The following PTAR1 variants were observed in gnomAD, a reference collection of about 807,000 sequenced individuals.
The protein encoded by PTAR1 is protein prenyltransferase alpha subunit repeat containing 1.
PTAR1 carries 17 observed loss-of-function variants against 45.5 expected under a neutral mutation model. That is an observed-to-expected ratio of 0.37 (90% confidence interval 0.26 to 0.56). The LOEUF is 0.56. Among genes scored for constraint, PTAR1 ranks in the 20% least tolerant of loss-of-function variants. PTAR1 has a pLI of 0.77. For synonymous variants in PTAR1, 169 were observed against 171.3 expected, an observed-to-expected ratio of 0.99 and a Z score of 0.11; for missense variants, 391 against 476.3, an observed-to-expected ratio of 0.82 and a Z score of 1.67.
intron 1 of PTAR1, among the ~76,000 whole-genome samples, chr9:69,752,822 T>C (rs1826591525): frequency 6.6e-6 from 1 of 152,068 alleles, no homozygotes; most frequent in Non-Finnish European, 1.5e-5. Flanking sequence ...ATTTTGTGCA[T>C]CTCTATTTGG....
chr9:69,723,272 G>GCTCT (rs139120410), intron 6 of PTAR1, 54 bp downstream of exon 6: 25,471 of 1,450,324 alleles, frequency 0.018, 345 homozygotes, highest in Non-Finnish European at 0.019. Flanking sequence ...ACTTTCTGCA[G>GCTCT]CTCTCATGAA....
chr9:69,712,916 C>T lies in PTAR1; in HGVS notation c.*5426G>A, dbSNP rs975364867. The T allele has an allele frequency of 7.9e-5, 12 of 152,022 alleles. No homozygotes were observed. 9.4% of individuals were successfully genotyped at this position (152,022 alleles called of 1,614,324 possible). On this transcript the variant is annotated 3_prime_UTR_variant, in exon 8 of 8. Coordinates refer to ENST00000340434, the MANE Select transcript of PTAR1 (RefSeq NM_001099666.2). ...GAGGCAGTCACAGAATATCTACTAGCTACTGTACTGGTAATAGTTTATAAA... is the reference window on the plus strand; with the variant it reads ...GAGGCAGTCACAGAATATCTACTAGTTACTGTACTGGTAATAGTTTATAAA...
chr9:69,758,578 G>A, intron 1 of PTAR1: 2 of 253,230 alleles, frequency 7.9e-6, no homozygotes, highest in South Asian at 7.5e-5. Flanking sequence ...GATGCTGTCA[G>A]AGGTGGCAGG....
intron 2 of PTAR1, among the ~76,000 whole-genome samples, chr9:69,747,643 CCA>C (rs1274750364): frequency 1.3e-5 from 2 of 152,100 alleles, no homozygotes; most frequent in African/African-American, 4.8e-5. Context: ...ACAGACATGC[CCA>C]GTTACGAAGA....
intron 2 of PTAR1, among the ~76,000 whole-genome samples, chr9:69,749,288 C>T (rs1316571795): frequency 3.3e-5 from 5 of 152,082 alleles, no homozygotes; most frequent in African/African-American, 1.2e-4. Context: ...ATCATTCTAT[C>T]CCCTAACTAA....
intron 2 of PTAR1, 72 bp from the exon 3 acceptor site, chr9:69,741,930 G>T: frequency 1.1e-6 from 1 of 938,320 alleles, no homozygotes; most frequent in Non-Finnish European, 1.7e-6. Flanking sequence ...ATTCTTTTAA[G>T]GTTCTCTTTC....
intron 1 of PTAR1, 150 bp downstream of exon 1, chr9:69,759,703 G>T: frequency 1.5e-6 from 1 of 679,100 alleles, no homozygotes; most frequent in Non-Finnish European, 2.2e-6. Flanking sequence ...GGCCGACAAC[G>T]GTCCCGCCCG....
intron 5 of PTAR1, among the ~76,000 whole-genome samples, chr9:69,730,675 T>C (rs1308734617): frequency 1.3e-5 from 2 of 150,112 alleles, no homozygotes; most frequent in Non-Finnish European, 3.0e-5. Context: ...ATTCTGATGC[T>C]TTGTAATTGT....
chr9:69,722,643 G>GA (rs796352009), intron 6 of PTAR1, among the ~76,000 whole-genome samples: 28 of 144,222 alleles, frequency 1.9e-4, no homozygotes, highest in Non-Finnish European at 1.8e-4. Context: ...TTCTAGGGGG[G>GA]AAAAAAAAAA....
Position 69,750,675 on chromosome 9 carries a change from A to C in PTAR1, c.256+106T>G, listed in dbSNP as rs113851896. ...CACCCACCGAGACAGTGAACAGAAG[A>C]AGCAGAACTAGAATCCAGGAATGCT... On this transcript the variant is annotated intron_variant, in intron 2 of 7. Transcript: ENST00000340434. 3,550 of 801,972 alleles carry C rather than the reference A, an allele frequency of 4.4e-3. 89 individuals carry two copies. The African/African-American group carries it at 0.054, about 12-fold the overall frequency. 49.7% of individuals were successfully genotyped at this position (801,972 alleles called of 1,614,324 possible). A position where few individuals can be genotyped will look rare whatever the true frequency, so the allele number is the denominator to read the frequency against.
chr9:69,718,966 G>A (rs1824855919), intron 6 of PTAR1, among the ~76,000 whole-genome samples: 1 of 152,044 alleles, frequency 6.6e-6, no homozygotes, highest in African/African-American at 2.4e-5. Context: ...ACTTGGAGAT[G>A]GTACTCTATG....
rs780374260 is a variant in PTAR1 at position 69,713,847 on chromosome 9, A to G, written c.*4495T>C. The G allele has an allele frequency of 1.3e-5, 2 of 152,156 alleles. No individual in the cohort carries two copies. The highest frequency in any genetic ancestry group is 2.4e-5 in the African/African-American group (1 of 41,432). The allele number at this position is 152,156 out of a possible 1,614,324, so 9.4% of individuals were successfully genotyped here. On this transcript the variant is annotated 3_prime_UTR_variant, in exon 8 of 8. Transcript: ENST00000340434. ...AATAATCAAAGCATCCTGCCTGCTTATATCAGTCTCTCACTGAAGGATAAA... is the reference window on the plus strand; with the variant it reads ...AATAATCAAAGCATCCTGCCTGCTTGTATCAGTCTCTCACTGAAGGATAAA...
intron 1 of PTAR1, chr9:69,757,342 TTTA>T (rs1826830752): frequency 6.6e-6 from 1 of 151,692 alleles, no homozygotes; most frequent in South Asian, 2.1e-4. Flanking sequence ...ATTATCCAGG[TTTA>T]TAAAGTGCTT....
At chr9:69,735,327 AC>A (rs1825736646) in intron 3 of PTAR1, among the ~76,000 whole-genome samples, 1 of 152,176 alleles carries the variant, frequency 6.6e-6, no homozygotes, top group Non-Finnish European at 1.5e-5. Context: ...TATAACCTAC[AC>A]ACATCCTCCC....
At chr9:69,747,831 C>T (rs1427865363) in intron 2 of PTAR1, among the ~76,000 whole-genome samples, 1 of 152,128 alleles carries the variant, frequency 6.6e-6, no homozygotes, top group Non-Finnish European at 1.5e-5. Context: ...AGCCTGTGTG[C>T]TAAGAATCTG....
chr9:69,732,996 T>A (rs1404438533), intron 4 of PTAR1, among the ~76,000 whole-genome samples: 1 of 152,238 alleles, frequency 6.6e-6, no homozygotes, highest in Non-Finnish European at 1.5e-5. Flanking sequence ...AGCTACTTAA[T>A]GTGTTTACTT....
At chr9:69,739,049 A>C (rs992195083) in intron 3 of PTAR1, among the ~76,000 whole-genome samples, 3 of 151,970 alleles carry the variant, frequency 2.0e-5, no homozygotes, top group African/African-American at 7.3e-5. Flanking sequence ...CTCGTGATCC[A>C]CCCACCTTGG....
intron 5 of PTAR1, among the ~76,000 whole-genome samples, chr9:69,725,365 G>A (rs1252581217): frequency 6.6e-6 from 1 of 152,008 alleles, no homozygotes; most frequent in Non-Finnish European, 1.5e-5. Flanking sequence ...TGGGGCGGAC[G>A]GATCACCTGA....
chr9:69,756,572 C>T (rs1052789360), intron 1 of PTAR1, among the ~76,000 whole-genome samples: 1 of 152,146 alleles, frequency 6.6e-6, no homozygotes, highest in Non-Finnish European at 1.5e-5. Context: ...TAATCTGGCC[C>T]TACTGTACCT....
Sources: allele counts gnomAD v4.1 joint callset (sites outside exome capture counted in the v4.1 genomes callset), GRCh38; gene constraint gnomAD v4.1.1; transcripts MANE v1.5; gene names NCBI Gene and HGNC (gene_info 2026-07-23, HGNC 2026-07-21).